Variants in MRAS observed in about 807,000 individuals in gnomAD.
The protein encoded by MRAS is ras-related protein M-Ras.
In MRAS, 4 loss-of-function variants were observed where a neutral mutation model predicts 20.9. That is an observed-to-expected ratio of 0.19 (90% CI 0.09 to 0.44). The LOEUF (loss-of-function observed/expected upper bound fraction) is 0.44, where lower values mean the gene tolerates loss of function less well. Ranked by LOEUF, MRAS falls within the 20% of genes least tolerant of loss-of-function variation. MRAS has a pLI of 0.99. For synonymous variants in MRAS, 98 were observed against 102.9 expected, an observed-to-expected ratio of 0.95 and a Z score of 0.29; for missense variants, 154 against 277.5, an observed-to-expected ratio of 0.56 and a Z score of 3.16.
At chr3:138,386,246 A>G (rs926099898) in intron 2 of MRAS, among the ~76,000 whole-genome samples, 2 of 150,674 alleles carry the variant, frequency 1.3e-5, no homozygotes, top group African/African-American at 4.9e-5. Context: ...AACCCCCCTT[A>G]CCCATGAGCA....
chr3:138,359,356 T>C (rs730158), intron 1 of MRAS, among the ~76,000 whole-genome samples: 105,292 of 152,042 alleles, frequency 0.69, 36,614 homozygotes, highest in Admixed American at 0.77. Context: ...GAGGAAAATC[T>C]CACACTCATT....
chr3:138,374,430 G>T (rs2054740896), intron 2 of MRAS, among the ~76,000 whole-genome samples: 1 of 152,090 alleles, frequency 6.6e-6, no homozygotes, highest in Admixed American at 6.5e-5. Context: ...TATTAATCTT[G>T]TAACCTACAA....
chr3:138,354,865 C>T (rs1329918167), intron 1 of MRAS, among the ~76,000 whole-genome samples: 5 of 152,154 alleles, frequency 3.3e-5, no homozygotes, highest in South Asian at 4.1e-4. Flanking sequence ...ATCACAGCCT[C>T]GAACTCCTGG....
chr3:138,373,044 C>T lies in MRAS; in HGVS notation c.161C>T (p.Thr54Met), dbSNP rs2054707593. ...PTIEDSYLKH[T>M]EIDNQWAILD... ...ATTGAAGACTCCTACCTGAAACATACGGAGATTGACAATCAATGGGCCATC... is the reference window on the plus strand; with the variant it reads ...ATTGAAGACTCCTACCTGAAACATATGGAGATTGACAATCAATGGGCCATC... The change falls in exon 2 of 6, where the codon ACG (threonine) becomes ATG (methionine). Residue 54 changes from threonine to methionine, a missense_variant. By Grantham distance (81) the Thr-to-Met change is moderately conservative (BLOSUM62 -1). This residue lies in a region of MRAS where 125 missense variants were observed against 213.5 expected (regional missense o/e 0.59). Transcript: ENST00000423968. 4 of 1,509,232 alleles carry T rather than the reference C, an allele frequency of 2.7e-6. No homozygotes were observed. Among genetic ancestry groups the T allele is most frequent in the Non-Finnish European group, 3.5e-6 (4 of 1,130,350 alleles). 93.5% of individuals were successfully genotyped at this position (1,509,232 alleles called of 1,614,324 possible).
chr3:138,386,429 T>G (rs2055016250), intron 2 of MRAS, among the ~76,000 whole-genome samples: 1 of 152,186 alleles, frequency 6.6e-6, no homozygotes, highest in Admixed American at 6.5e-5. Flanking sequence ...GCTGCTGCAG[T>G]GTGTATCAGA....
rs1458298705 is a variant in MRAS, at chr3:138,398,559, C to T, written c.438C>T (p.Thr146=). ...GGGAGCAAGGAAAAGAAATGGCGAC[C>T]AAACACAATGTAGGTGTGTGCGTGT... ...ITREQGKEMA[T]KHNIPYIETS... The change falls in exon 4 of 6, where the codon ACC becomes ACT. Residue 146 remains threonine (T), a synonymous_variant. Transcript: ENST00000423968. The T allele has an allele frequency of 6.2e-7, 1 of 1,614,082 alleles. No individual in the cohort carries two copies. The highest frequency in any genetic ancestry group is 1.7e-5 in the Admixed American group (1 of 60,016).
chr3:138,382,205 A>G (rs942571941), intron 2 of MRAS, among the ~76,000 whole-genome samples: 2 of 152,238 alleles, frequency 1.3e-5, no homozygotes, highest in African/African-American at 4.8e-5. Flanking sequence ...TGCATCAGCC[A>G]TGCTGCTGAA....
At chr3:138,380,918 T>A (rs1679149) in intron 2 of MRAS, among the ~76,000 whole-genome samples, 1 of 151,610 alleles carries the variant, frequency 6.6e-6, no homozygotes, top group African/African-American at 2.4e-5. Flanking sequence ...TATAGGCACG[T>A]GCCACCACAC....
rs2055387001 is a variant in MRAS at position 138,402,718 on chromosome 3, G to A, written c.*449G>A. The A allele has an allele frequency of 6.5e-6, 1 of 154,514 alleles. No homozygotes were observed. Among genetic ancestry groups the A allele is most frequent in the Non-Finnish European group, 1.4e-5 (1 of 69,388 alleles). The allele number at this position is 154,514 out of a possible 1,614,324, so 9.6% of individuals were successfully genotyped here. On this transcript the variant is annotated 3_prime_UTR_variant, in exon 6 of 6. Transcript: ENST00000423968. ...TTTTATAGATTTTTAAATTATTTTA[G>A]TGATTATTATTTTATTAAAGGGGTC...
chr3:138,357,840 A>G (rs536652132), intron 1 of MRAS, among the ~76,000 whole-genome samples: 2 of 152,216 alleles, frequency 1.3e-5, no homozygotes, highest in Admixed American at 1.3e-4. Flanking sequence ...TGAATGTCAG[A>G]CACCCTCCCC....
intron 2 of MRAS, among the ~76,000 whole-genome samples, chr3:138,389,483 C>T (rs1228012350): frequency 3.3e-5 from 5 of 149,338 alleles, no homozygotes; most frequent in South Asian, 2.2e-4. Flanking sequence ...AGCTGGAAGG[C>T]GGCTGGGACA....
intron 5 of MRAS, among the ~76,000 whole-genome samples, chr3:138,401,788 G>A (rs376222911): frequency 9.9e-5 from 15 of 152,170 alleles, no homozygotes; most frequent in Non-Finnish European, 2.2e-4. Flanking sequence ...TGGCTTTTAC[G>A]CTCAGTTGAC....
At position 138,365,390 on chromosome 3, in the gene MRAS, G is replaced by A. The variant is rs1417997718; in HGVS notation, c.-18-7476G>A. On this transcript the variant is annotated intron_variant, in intron 1 of 5. Transcript: ENST00000423968. ...TACTGATGGGAAAGACCCAGTTATTGACAGTTGCCATATGAGGAAGCATGT... is the reference window on the plus strand; with the variant it reads ...TACTGATGGGAAAGACCCAGTTATTAACAGTTGCCATATGAGGAAGCATGT... Among the ~76,000 whole-genome samples, 5 of 152,340 alleles carry A rather than the reference G, an allele frequency of 3.3e-5. No homozygotes were observed. The East Asian group carries it at 9.7e-4, about 29-fold the overall frequency.
At chr3:138,374,392 G>A (rs973022226) in intron 2 of MRAS, among the ~76,000 whole-genome samples, 6 of 152,122 alleles carry the variant, frequency 3.9e-5, no homozygotes, top group Admixed American at 1.3e-4. Context: ...TTTGTTGCTA[G>A]TATATATAAA....
chr3:138,393,407 C>T (rs943524978), intron 2 of MRAS, among the ~76,000 whole-genome samples: 5 of 152,164 alleles, frequency 3.3e-5, no homozygotes, highest in Admixed American at 6.5e-5. Flanking sequence ...TCGCTTACCA[C>T]TGTTTGTAGT....
intron 1 of MRAS, among the ~76,000 whole-genome samples, chr3:138,354,457 G>C (rs1016535387): frequency 6.6e-6 from 1 of 152,168 alleles, no homozygotes; most frequent in Non-Finnish European, 1.5e-5. Flanking sequence ...TCATGTATTG[G>C]CTCTCTCTTG....
At chr3:138,376,365 G>A (rs1012251099) in intron 2 of MRAS, among the ~76,000 whole-genome samples, 4 of 152,238 alleles carry the variant, frequency 2.6e-5, no homozygotes, top group Non-Finnish European at 4.4e-5. Context: ...TGCCTTTTAT[G>A]GTTGGACATA....
At chr3:138,401,607 A>G (rs1341659016) in intron 5 of MRAS, among the ~76,000 whole-genome samples, 1 of 152,216 alleles carries the variant, frequency 6.6e-6, no homozygotes, top group Non-Finnish European at 1.5e-5. Flanking sequence ...CCTGGGCAAC[A>G]TAGTGAAATG....
chr3:138,365,159 G>A (rs537460148), intron 1 of MRAS, among the ~76,000 whole-genome samples: 2 of 152,268 alleles, frequency 1.3e-5, no homozygotes, highest in East Asian at 1.9e-4. Flanking sequence ...GGGGATAATC[G>A]GAATCTACCT....
Sources: allele counts gnomAD v4.1 joint callset (sites outside exome capture counted in the v4.1 genomes callset), GRCh38; gene constraint gnomAD v4.1.1; regional missense constraint gnomAD v4.1.1; transcripts MANE v1.5; gene names NCBI Gene and HGNC (gene_info 2026-07-23, HGNC 2026-07-21).